ZNF565: variants seen among roughly 807,000 people sequenced by gnomAD.
The protein encoded by ZNF565 is zinc finger protein 565.
Under a neutral mutation model 39.4 loss-of-function variants are expected in ZNF565, and 27 were observed. The ratio of observed to expected loss-of-function variants is 0.69; its 90% CI spans 0.51 to 0.95. The LOEUF is 0.95. Ranked by LOEUF, ZNF565 falls within the 40% of genes least tolerant of loss-of-function variation. ZNF565 has a pLI of 0.00. For missense variants in ZNF565, 524 were observed against 621.1 expected (o/e 0.84, Z 1.66); for synonymous variants, 185 against 216.6 (o/e 0.85, Z 1.28).
intron 4 of ZNF565, among the ~76,000 whole-genome samples, chr19:36,191,491 T>C (rs1377803392): frequency 6.6e-6 from 1 of 151,872 alleles, no homozygotes. Context: ...AAATCTGAAA[T>C]AACCATGGAA....
intron 1 of ZNF565, chr19:36,235,664 G>T (rs1343889329): frequency 6.6e-6 from 1 of 152,208 alleles, no homozygotes; most frequent in Non-Finnish European, 1.5e-5. Flanking sequence ...TTTAGAAGAA[G>T]CCTGAGAAGA....
intron 1 of ZNF565, among the ~76,000 whole-genome samples, chr19:36,235,424 G>T (rs1977611374): frequency 6.6e-6 from 1 of 151,976 alleles, no homozygotes; most frequent in Non-Finnish European, 1.5e-5. Context: ...CCTCAAGTAG[G>T]GTTCCCTTCT....
At position 36,183,138 on chromosome 19, in the gene ZNF565, C is replaced by G; in HGVS notation, c.828G>C (p.Glu276Asp). 6.2e-7 allele frequency: 1 copy of G among 1,614,162 alleles called. No homozygotes were observed. Among genetic ancestry groups the G allele is most frequent in the Non-Finnish European group, 8.5e-7 (1 of 1,180,034 alleles). Residue 276 changes from glutamate to aspartate, a missense_variant, in exon 5 of 5, where the codon GAG becomes GAC. Coordinates refer to ENST00000304116, the MANE Select transcript of ZNF565 (RefSeq NM_152477.5). ...LILHQRTHTGEKPYVCKDCGK... is the reference protein window; with the variant it reads ...LILHQRTHTGDKPYVCKDCGK... ...CACAGTCTTTACATACGTAGGGTTT[C>G]TCGCCTGTGTGAGTTCTTTGATGCA...
At chr19:36,200,374 A>G (rs1458638418) in intron 2 of ZNF565, among the ~76,000 whole-genome samples, 3 of 152,198 alleles carry the variant, frequency 2.0e-5, no homozygotes. Flanking sequence ...TTACCTGTTA[A>G]TATCAGTAAC....
chr19:36,217,733 AATTAGCCAGGC>A (rs1976670374), upstream of ZNF565, among the ~76,000 whole-genome samples: 1 of 152,016 alleles, frequency 6.6e-6, no homozygotes, highest in Non-Finnish European at 1.5e-5. Context: ...AAAAATACAA[AATTAGCCAGGC>A]GTGGCGGCAC....
chr19:36,241,394 G>T (rs1009530138), intron 1 of ZNF565, among the ~76,000 whole-genome samples: 1 of 150,972 alleles, frequency 6.6e-6, no homozygotes, highest in Non-Finnish European at 1.5e-5. Flanking sequence ...TAAGGCAGGA[G>T]AATCGCTTGA....
chr19:36,221,757 G>T (rs1291334109), intron 1 of ZNF565, among the ~76,000 whole-genome samples: 1 of 150,624 alleles, frequency 6.6e-6, no homozygotes, highest in African/African-American at 2.4e-5. Context: ...TTTGCTTCTT[G>T]TTTATCCTTC....
chr19:36,209,381 GC>G lies in ZNF565; in HGVS notation c.-66+5240del, dbSNP rs541353641. ...ATGATGGTGGATGCCTGTAATCCCA[GC>G]TACTCAGGAGGCTGACGTGGGAAAA... On this transcript the variant is annotated intron_variant, in intron 1 of 4. Coordinates refer to ENST00000304116, the MANE Select transcript of ZNF565 (RefSeq NM_152477.5). Among the ~76,000 whole-genome samples, 25 of 152,294 alleles carry G rather than the reference GC, an allele frequency of 1.6e-4. 1 individual carries two copies. The South Asian group carries it at 5.2e-3, about 32-fold the overall frequency.
chr19:36,236,361 T>G, intron 1 of ZNF565: 1 of 1,493,602 alleles, frequency 6.7e-7, no homozygotes, highest in Non-Finnish European at 9.0e-7. Context: ...GGAAATATCT[T>G]CAGCCAAAAG....
At chr19:36,214,599 C>G (rs1205737669) in intron 1 of ZNF565, 23 bp downstream of exon 1, 1 of 152,932 alleles carries the variant, frequency 6.5e-6, no homozygotes, top group Non-Finnish European at 1.5e-5. Flanking sequence ...CCCGGCCCCG[C>G]CCAGGACTCC....
intron 1 of ZNF565, among the ~76,000 whole-genome samples, chr19:36,225,569 G>A (rs1977028741): frequency 6.6e-6 from 1 of 151,462 alleles, no homozygotes; most frequent in African/African-American, 2.4e-5. Context: ...TTTTGTCTCA[G>A]CCTGTCAAGT....
Position 36,201,716 on chromosome 19 carries a change from C to T in ZNF565, c.9+261G>A, listed in dbSNP as rs187180034. On this transcript the variant is annotated intron_variant, in intron 2 of 4. Coordinates refer to ENST00000304116, the MANE Select transcript of ZNF565 (RefSeq NM_152477.5). ...TCTCGAACTCCTGGCCTCAAGCAAT[C>T]GGCCCACCTCAGCCTCCTAAAGTGC... is the stretch of plus-strand genomic sequence containing the variant. 2.6e-5 allele frequency among the ~76,000 whole-genome samples: 4 copies of T among 152,196 alleles called. No homozygotes were observed. In the East Asian group the frequency reaches 5.8e-4, roughly 22 times the overall value.
intron 1 of ZNF565, among the ~76,000 whole-genome samples, chr19:36,240,256 C>T (rs1469859173): frequency 2.0e-5 from 3 of 152,178 alleles, no homozygotes; most frequent in African/African-American, 7.2e-5. Context: ...GGTATTATGA[C>T]TAATCTAGAG....
At chr19:36,244,261 C>CTGAAACTCT (rs1977843578) in intron 1 of ZNF565, among the ~76,000 whole-genome samples, 1 of 152,232 alleles carries the variant, frequency 6.6e-6, no homozygotes. Flanking sequence ...GGGAGGGCAG[C>CTGAAACTCT]TGAAACTCTG....
At chr19:36,205,823 C>G (rs960888029) in intron 1 of ZNF565, among the ~76,000 whole-genome samples, 1 of 152,128 alleles carries the variant, frequency 6.6e-6, no homozygotes, top group Non-Finnish European at 1.5e-5. Flanking sequence ...GCTCTGGCAT[C>G]TGACACATAT....
rs368382677 is a variant in ZNF565 at position 36,182,593 on chromosome 19, C to T, written c.1373G>A (p.Arg458His). 27 of 1,613,978 alleles carry T rather than the reference C, an allele frequency of 1.7e-5. No individual in the cohort carries two copies. The highest frequency in any genetic ancestry group is 1.6e-4 in the Middle Eastern group (1 of 6,082). ...CTGATGTTCGGTAAGTTGTGAACTA[C>T]GAATAAAGGCCATTCCACACTCCCT... ...ECRECGMAFI[R>H]SSQLTEHQRI... is the part of the protein sequence containing the mutation. Residue 458 changes from arginine to histidine, a missense_variant, in exon 5 of 5, where the codon CGT becomes CAT. Transcript: ENST00000304116.
intron 4 of ZNF565, among the ~76,000 whole-genome samples, chr19:36,188,325 A>G (rs1460970596): frequency 6.6e-6 from 1 of 151,816 alleles, no homozygotes; most frequent in East Asian, 2.0e-4. Context: ...ACTGCACTCC[A>G]GCCTGGGCGA....
intron 1 of ZNF565, among the ~76,000 whole-genome samples, chr19:36,210,847 C>A (rs1181218446): frequency 6.6e-6 from 1 of 151,954 alleles, no homozygotes; most frequent in Admixed American, 6.6e-5. Context: ...TTTGTAGATT[C>A]CAGGACTGGG....
intron 1 of ZNF565, among the ~76,000 whole-genome samples, chr19:36,238,930 C>T (rs1417635951): frequency 6.6e-6 from 1 of 152,110 alleles, no homozygotes; most frequent in Admixed American, 6.5e-5. Context: ...CATAGGAGCG[C>T]GAACCCTATT....
Sources: gnomAD v4.1 joint callset for allele counts (sites outside exome capture counted in the v4.1 genomes callset) on GRCh38, gnomAD v4.1.1 for gene constraint, MANE v1.5 for transcripts, NCBI Gene and HGNC (gene_info 2026-07-23, HGNC 2026-07-21) for gene names.